Variants in MRPS15 observed in about 807,000 individuals in gnomAD.
MRPS15 encodes the protein small ribosomal subunit protein uS15m.
A neutral mutation model predicts 30.7 loss-of-function variants in MRPS15; 25 were observed. The ratio of observed to expected loss-of-function variants is 0.81; its 90% confidence interval spans 0.59 to 1.14. The LOEUF (loss-of-function observed/expected upper bound fraction) is 1.14. Ranked by LOEUF, MRPS15 falls within the 50% of genes most tolerant of loss-of-function variation. The pLI is 0.00. For missense variants in MRPS15, 313 were observed against 321.7 expected, an observed-to-expected ratio of 0.97 and a Z score of 0.21; for synonymous variants, 124 against 120.1, an observed-to-expected ratio of 1.03 and a Z score of -0.21.
At chr1:36,461,383 A>G in intron 3 of MRPS15, 71 bp from the exon 4 acceptor site, 1 of 1,418,454 alleles carries the variant, frequency 7.0e-7, no homozygotes, top group South Asian at 1.2e-5. Context: ...GTTTCATTTT[A>G]GTTTGAAAAG....
rs1166262948 is a variant in MRPS15 at position 36,459,673 on chromosome 1, TG to T, written c.385+1018del. ...CTCAATGGGGTTTTAGTATCCAAGA[TG>T]AACTCACCAGACTTTAATCCCTGGC... On this transcript the variant is annotated intron_variant, in intron 5 of 7. Coordinates refer to ENST00000373116, the MANE Select transcript of MRPS15 (RefSeq NM_031280.4). 6 of 152,254 alleles carry T rather than the reference TG, an allele frequency of 3.9e-5. No homozygotes were observed. The East Asian group carries it at 1.2e-3, about 29-fold the overall frequency. The allele number at this position is 152,254 out of a possible 1,614,324, so 9.4% of individuals were successfully genotyped here. A position where few individuals can be genotyped will look rare whatever the true frequency, so the allele number is the denominator to read the frequency against.
chr1:36,457,451 G>A (rs1006333040), intron 6 of MRPS15, among the ~76,000 whole-genome samples: 4 of 152,144 alleles, frequency 2.6e-5, no homozygotes, highest in Admixed American at 2.0e-4. Flanking sequence ...ATAAGAAGAT[G>A]CATGTGAAGT....
chr1:36,462,947 T>C (rs1650126727), intron 2 of MRPS15, among the ~76,000 whole-genome samples: 1 of 150,434 alleles, frequency 6.6e-6, no homozygotes, highest in African/African-American at 2.5e-5. Flanking sequence ...GTTGGGGCCA[T>C]GTCCAGCCAA....
intron 6 of MRPS15, 50 bp from the exon 7 acceptor site, chr1:36,456,428 T>A: frequency 1.4e-6 from 2 of 1,430,724 alleles, no homozygotes; most frequent in Non-Finnish European, 1.9e-6. Context: ...TTACTGTTGT[T>A]CACAGTAACA....
rs745726095 is a variant in MRPS15, at chr1:36,456,298, A to T, written c.525T>A (p.Tyr175Ter). The change falls in exon 7 of 8, where the codon TAT (tyrosine) becomes TAA (stop). Residue 175 changes from tyrosine (Y) to a stop codon, truncating the protein, a stop_gained. Coordinates refer to ENST00000373116, the MANE Select transcript of MRPS15 (RefSeq NM_031280.4). LOFTEE classifies it high-confidence loss of function. ...CCCAGCATATCTTCTCAAAGACATC[A>T]TAGTTGGTGTTACGGAGGTTTTTGA... is the stretch of plus-strand genomic sequence containing the variant. The part of the protein sequence containing the change: ...KMLKNLRNTN[Y>*]DVFEKICWGL... The T allele has an allele frequency of 7.4e-6, 12 of 1,614,072 alleles. No homozygotes were observed. Among genetic ancestry groups the T allele is most frequent in the Admixed American group, 5.0e-5 (3 of 59,994 alleles).
In MRPS15 at chr1:36,464,169, T is replaced by C; in HGVS notation, c.107A>G (p.Asn36Ser). The C allele has an allele frequency of 6.2e-7, 1 of 1,613,848 alleles. No homozygotes were observed. Among genetic ancestry groups the C allele is most frequent in the South Asian group, 1.1e-5 (1 of 91,064 alleles). Reference protein sequence around the residue: ...PGGGSAKFPFNQWGLQPRSLL... With the variant: ...PGGGSAKFPFSQWGLQPRSLL... ...ACTTCGAGGCTGCAGGCCCCACTGG[T>C]TGAAAGGAAACTTGGCGCTCCCACC... is the stretch of plus-strand genomic sequence containing the variant. Residue 36 changes from asparagine (N) to serine (S), a missense_variant, in exon 1 of 8, where the codon AAC becomes AGC. By Grantham distance (46) the Asn-to-Ser change is conservative. Coordinates refer to ENST00000373116, the MANE Select transcript of MRPS15 (RefSeq NM_031280.4).
chr1:36,457,042 C>T (rs1200615415), intron 6 of MRPS15, among the ~76,000 whole-genome samples: 6 of 152,214 alleles, frequency 3.9e-5, no homozygotes, highest in South Asian at 4.1e-4. Flanking sequence ...TTTAGGAGGC[C>T]GAGGTGGGGA....
intron 5 of MRPS15, among the ~76,000 whole-genome samples, chr1:36,460,249 C>T (rs1650068717): frequency 6.6e-6 from 1 of 152,154 alleles, no homozygotes; most frequent in Non-Finnish European, 1.5e-5. Context: ...CCTTGTGATC[C>T]ACCTGCTTGG....
chr1:36,457,290 A>ATAT (rs562589831), intron 6 of MRPS15, among the ~76,000 whole-genome samples: 2 of 138,662 alleles, frequency 1.4e-5, no homozygotes, highest in Non-Finnish European at 1.6e-5. Flanking sequence ...AAAAAAAAAA[A>ATAT]ATATATATAT....
At chr1:36,461,785 T>G (rs535094319) in intron 3 of MRPS15, among the ~76,000 whole-genome samples, 2 of 152,140 alleles carry the variant, frequency 1.3e-5, no homozygotes, top group Non-Finnish European at 2.9e-5. Context: ...ACATACAGCT[T>G]TTGTGAGGAA....
intron 7 of MRPS15, 29 bp downstream of exon 7, chr1:36,456,158 C>A: frequency 6.3e-7 from 1 of 1,580,994 alleles, no homozygotes; most frequent in Non-Finnish European, 8.6e-7. Flanking sequence ...CTGAGTGGGG[C>A]CAAGCAAAGC....
Position 36,455,923 on chromosome 1 carries a change from A to G in MRPS15, c.639T>C (p.Val213=), listed in dbSNP as rs764282668. 1 of 1,612,602 alleles carries G rather than the reference A, an allele frequency of 6.2e-7. No individual in the cohort carries two copies. Among genetic ancestry groups the G allele is most frequent in the Non-Finnish European group, 8.5e-7 (1 of 1,179,678 alleles). The change falls in exon 8 of 8, where the codon GTT becomes GTC. Residue 213 remains valine (V), a splice_region_variant and synonymous_variant. Coordinates refer to ENST00000373116, the MANE Select transcript of MRPS15 (RefSeq NM_031280.4). ...FVTKKALCIR[V]FQETQKLKKR... ...TCTTCAGCTTTTGAGTCTCCTGGAA[A>G]ACCTGGGGATGAAAAGGGGCAGAAA...
chr1:36,456,274 C>T lies in MRPS15; in HGVS notation c.549G>A (p.Trp183Ter). 1 of 1,614,166 alleles carries T rather than the reference C, an allele frequency of 6.2e-7. No individual in the cohort carries two copies. Among genetic ancestry groups the T allele is most frequent in the South Asian group, 1.1e-5 (1 of 91,080 alleles). ...GGAAGGTGTACTCAATTCCCAGCCC[C>T]CAGCATATCTTCTCAAAGACATCAT... is the stretch of plus-strand genomic sequence containing the variant. ...TNYDVFEKIC[W>*]GLGIEYTFPP... Residue 183 changes from tryptophan to a stop codon, truncating the protein, a stop_gained, in exon 7 of 8, where the codon TGG becomes TGA. Transcript: ENST00000373116. LOFTEE classifies it high-confidence loss of function.
At chr1:36,460,382 A>G (rs1390230889) in intron 5 of MRPS15, among the ~76,000 whole-genome samples, 1 of 152,090 alleles carries the variant, frequency 6.6e-6, no homozygotes, top group African/African-American at 2.4e-5. Context: ...GCCTCTCACA[A>G]TGCTGCCATG....
intron 4 of MRPS15, among the ~76,000 whole-genome samples, chr1:36,460,989 T>C (rs1650087938): frequency 6.6e-6 from 1 of 152,244 alleles, no homozygotes; most frequent in South Asian, 2.1e-4. Flanking sequence ...GGAAATGACT[T>C]GTTGCATGAA....
At position 36,456,378 on chromosome 1, in the gene MRPS15, C is replaced by T; in HGVS notation, c.445G>A (p.Asp149Asn). Reference sequence around the variant, plus strand: ...AGCAGATAGCGTTTGTGGGCTTTGTCCTGCAAGAGATTCTCATTACTTTTA... The same window carrying T: ...AGCAGATAGCGTTTGTGGGCTTTGTTCTGCAAGAGATTCTCATTACTTTTA... ...YEEHLEKHRK[D>N]KAHKRYLLMS... The change falls in exon 7 of 8, where the codon GAC becomes AAC. Residue 149 changes from aspartate (D) to asparagine (N), a missense_variant and splice_region_variant. By Grantham distance (23) the Asp-to-Asn change is conservative. Coordinates refer to ENST00000373116, the MANE Select transcript of MRPS15 (RefSeq NM_031280.4). 1 of 1,593,288 alleles carries T rather than the reference C, an allele frequency of 6.3e-7. No homozygotes were observed. The highest frequency in any genetic ancestry group is 8.6e-7 in the Non-Finnish European group (1 of 1,166,852).
Position 36,456,595 on chromosome 1 carries a change from CTG to C in MRPS15, c.445-219_445-218del, listed in dbSNP as rs1343096102. 4 of 512,994 alleles carry C rather than the reference CTG, an allele frequency of 7.8e-6. No homozygotes were observed. The African/African-American group carries it at 7.8e-5, about 10-fold the overall frequency. 31.8% of individuals were successfully genotyped at this position (512,994 alleles called of 1,614,324 possible). A position where few individuals can be genotyped will look rare whatever the true frequency, so the allele number is the denominator to read the frequency against. ...TCTGATTCACAAAAGGTCTTTAGAA[CTG>C]TGAGTGCTGAGATAGGGTCTTGAAT... On this transcript the variant is annotated intron_variant, in intron 6 of 7. Transcript: ENST00000373116.
Position 36,458,066 on chromosome 1 carries a change from A to G in MRPS15, c.386-85T>C. 1 of 1,117,686 alleles carries G rather than the reference A, an allele frequency of 8.9e-7. No individual in the cohort carries two copies. Among genetic ancestry groups the G allele is most frequent in the South Asian group, 1.2e-5 (1 of 80,834 alleles). 69.2% of individuals were successfully genotyped at this position (1,117,686 alleles called of 1,614,324 possible). On this transcript the variant is annotated intron_variant, in intron 5 of 7. Transcript: ENST00000373116. This position sits in a 1 kb window ranked among gnomAD's most constrained non-coding sequence, Gnocchi z 4.5. The stretch of plus-strand genomic sequence containing the variant: ...TGGTTTACGTTTTAAGAACTCAAGG[A>G]ATAACAATCACCAATGCTCTGTACA...
rs113224611 is a variant in MRPS15, at chr1:36,458,252, G to A, written c.386-271C>T. On this transcript the variant is annotated intron_variant, in intron 5 of 7. Coordinates refer to ENST00000373116, the MANE Select transcript of MRPS15 (RefSeq NM_031280.4). This position sits in a 1 kb window ranked among gnomAD's most constrained non-coding sequence, Gnocchi z 4.5. ...CAAATAGCATTCTTTTTTTTGAGAC[G>A]GAGTCTCGCTCTGTTGCCCAGGCTG... is the stretch of plus-strand genomic sequence containing the variant. 1.3e-4 allele frequency: 47 copies of A among 367,780 alleles called. No homozygotes were observed. The highest frequency in any genetic ancestry group is 1.6e-3 in the Middle Eastern group (2 of 1,268). The allele number at this position is 367,780 out of a possible 1,614,324, so 22.8% of individuals were successfully genotyped here.
Sources: gnomAD v4.1 joint callset for allele counts (sites outside exome capture counted in the v4.1 genomes callset) on GRCh38, gnomAD v4.1.1 for gene constraint, Gnocchi (gnomAD v3.1) non-coding constraint, MANE v1.5 for transcripts, NCBI Gene and HGNC (gene_info 2026-07-23, HGNC 2026-07-21) for gene names.